The following MTOR variants were observed in gnomAD, a reference collection of about 807,000 sequenced individuals.
MTOR encodes serine/threonine-protein kinase mTOR.
A neutral mutation model predicts 319.8 loss-of-function variants in MTOR; 70 were observed. That is an observed-to-expected ratio of 0.22 (90% confidence interval 0.18 to 0.27). The LOEUF (loss-of-function observed/expected upper bound fraction) is 0.27. MTOR is among the 10% of genes least tolerant of loss of function. The pLI is 1.00. For synonymous variants in MTOR, 1,183 were observed against 1,211.4 expected, an observed-to-expected ratio of 0.98 and a Z score of 0.49; for missense variants, 1,890 against 3,274.4, an observed-to-expected ratio of 0.58 and a Z score of 10.32.
At chr1:11,214,477 C>T (rs1227197280) in intron 20 of MTOR, among the ~76,000 whole-genome samples, 1 of 152,182 alleles carries the variant, frequency 6.6e-6, no homozygotes, top group Non-Finnish European at 1.5e-5. Context: ...TTTAAAAGTT[C>T]TGGAGTAGGA....
intron 28 of MTOR, among the ~76,000 whole-genome samples, chr1:11,192,601 C>CA (rs1437792110): frequency 6.6e-6 from 1 of 151,800 alleles, no homozygotes; most frequent in East Asian, 1.9e-4. Context: ...ACTAAAAATA[C>CA]AAAAAAATTA....
Position 11,247,948 on chromosome 1 carries a change from G to A in MTOR, c.987C>T (p.Ala329=), listed in dbSNP as rs765700383. Residue 329 remains alanine, a synonymous_variant, in exon 7 of 58, where the codon GCC becomes GCT. Transcript: ENST00000361445. Reference sequence around the variant, plus strand: ...AGCTGTACCCCAGCAGCCCCACCAAGGCATTTGACTGCTGGGGCTGTACAG... The same window carrying A: ...AGCTGTACCCCAGCAGCCCCACCAAAGCATTTGACTGCTGGGGCTGTACAG... The part of the protein sequence containing the change: ...FQAVQPQQSN[A]LVGLLGYSSH... 1.9e-6 allele frequency: 3 copies of A among 1,614,224 alleles called. No homozygotes were observed. The South Asian group carries it at 3.3e-5, about 18-fold the overall frequency.
chr1:11,119,023 C>T (rs1642350734), intron 49 of MTOR, among the ~76,000 whole-genome samples: 2 of 152,020 alleles, frequency 1.3e-5, no homozygotes, highest in Admixed American at 1.3e-4. Flanking sequence ...CAGGTGTGTA[C>T]CATAGTGTCT....
Position 11,122,088 on chromosome 1 carries a change from G to A in MTOR, c.6701C>T (p.Ser2234Leu), listed in dbSNP as rs1238905384. The A allele has an allele frequency of 6.2e-7, 1 of 1,614,246 alleles. No individual in the cohort carries two copies. The highest frequency in any genetic ancestry group is 8.5e-7 in the Non-Finnish European group (1 of 1,180,046). ...GTGGGGAACCCAGCCAATGAGGCCCGAGTTGGTCGATAAAGGGATGACAGC... is the reference window on the plus strand; with the variant it reads ...GTGGGGAACCCAGCCAATGAGGCCCAAGTTGGTCGATAAAGGGATGACAGC... Reference protein sequence around the residue: ...RYAVIPLSTNSGLIGWVPHCD... With the variant: ...RYAVIPLSTNLGLIGWVPHCD... The change falls in exon 48 of 58, where the codon TCG (serine) becomes TTG (leucine). Residue 2234 changes from serine to leucine, a missense_variant. Transcript: ENST00000361445.
Position 11,250,838 on chromosome 1 carries a change from ATCC to A in MTOR, c.841-2747_841-2745del, listed in dbSNP as rs370101274. Among the ~76,000 whole-genome samples the A allele has an allele frequency of 4.2e-3, 639 of 152,238 alleles. 6 individuals carry two copies. Among genetic ancestry groups the A allele is most frequent in the African/African-American group, 0.014 (602 of 41,552 alleles). On this transcript the variant is annotated intron_variant, in intron 6 of 57. Transcript: ENST00000361445. ...TCCCACTGCAGTGAATGGCAACTTC[ATCC>A]TCCTAATACTCAGGCCAAACACCTT... is the stretch of plus-strand genomic sequence containing the variant.
At chr1:11,158,437 C>T (rs1009355837) in intron 29 of MTOR, among the ~76,000 whole-genome samples, 3 of 152,150 alleles carry the variant, frequency 2.0e-5, no homozygotes, top group African/African-American at 7.2e-5. Flanking sequence ...CTTGTACCTA[C>T]TTTCCCTGGT....
chr1:11,209,036 G>A (rs1442590599), intron 25 of MTOR, among the ~76,000 whole-genome samples: 1 of 152,168 alleles, frequency 6.6e-6, no homozygotes, highest in East Asian at 1.9e-4. Flanking sequence ...TTCCCTTCAT[G>A]TAAAAAATGA....
chr1:11,234,813 G>A (rs1388751350), intron 13 of MTOR, among the ~76,000 whole-genome samples: 1 of 151,902 alleles, frequency 6.6e-6, no homozygotes, highest in African/African-American at 2.4e-5. Flanking sequence ...AGGATCCCCC[G>A]AAGCCTTACT....
chr1:11,134,559 C>T, intron 36 of MTOR, 93 bp from the exon 37 acceptor site: 2 of 1,026,954 alleles, frequency 1.9e-6, no homozygotes, highest in Admixed American at 3.6e-5. Context: ...ATGAGTCAAC[C>T]CCTCTCCAAA....
intron 28 of MTOR, among the ~76,000 whole-genome samples, chr1:11,198,124 A>G (rs1645846889): frequency 6.6e-6 from 1 of 152,216 alleles, no homozygotes; most frequent in Admixed American, 6.5e-5. Flanking sequence ...AAGTGATCAT[A>G]CTTAGTTACC....
At chr1:11,156,931 G>C (rs911856137) in intron 30 of MTOR, among the ~76,000 whole-genome samples, 1 of 152,154 alleles carries the variant, frequency 6.6e-6, no homozygotes, top group Non-Finnish European at 1.5e-5. Flanking sequence ...TCCTGTCCTA[G>C]AGCATTATAA....
intron 9 of MTOR, among the ~76,000 whole-genome samples, chr1:11,241,898 T>TTAAGGAAGGGGC: frequency 6.6e-6 from 1 of 152,266 alleles, no homozygotes; most frequent in African/African-American, 2.4e-5. Context: ...CAGTAAAGTG[T>TTAAGGAAGGGGC]CTTAAGGAAG....
chr1:11,191,798 T>C (rs982948840), intron 28 of MTOR, among the ~76,000 whole-genome samples: 1 of 152,190 alleles, frequency 6.6e-6, no homozygotes, highest in Non-Finnish European at 1.5e-5. Context: ...CAGGTGGCAG[T>C]AGCCACCATC....
At chr1:11,176,537 GT>G (rs1170654234) in intron 28 of MTOR, among the ~76,000 whole-genome samples, 1 of 152,200 alleles carries the variant, frequency 6.6e-6, no homozygotes, top group Non-Finnish European at 1.5e-5. Context: ...GCAGACCACA[GT>G]CTGAGTTTCA....
intron 56 of MTOR, 106 bp from the exon 57 acceptor site, chr1:11,108,392 G>A: frequency 1.1e-6 from 1 of 875,230 alleles, no homozygotes; most frequent in Non-Finnish European, 1.9e-6. Context: ...CGTCAGACAT[G>A]AAGATGAAGG....
At chr1:11,252,046 T>A (rs1649765808) in intron 6 of MTOR, among the ~76,000 whole-genome samples, 1 of 152,178 alleles carries the variant, frequency 6.6e-6, no homozygotes, top group South Asian at 2.1e-4. Flanking sequence ...CCCCTTAGTA[T>A]CCATGGGGGT....
At chr1:11,174,888 C>T (rs1331441311) in intron 28 of MTOR, among the ~76,000 whole-genome samples, 3 of 152,166 alleles carry the variant, frequency 2.0e-5, no homozygotes, top group African/African-American at 7.2e-5. Context: ...GTACGTAACA[C>T]CACAAACCAG....
In MTOR at chr1:11,127,633, G is replaced by C. The variant is rs1642909117; in HGVS notation, c.6207C>G (p.Ser2069=). ...ERGPQTLKET[S]FNQAYGRDLM... is the part of the protein sequence containing the mutation. ...GTTTTTTACCCCATACCTGATTAAA[G>C]GATGTTTCCTTCAGAGTCTGGGGGC... The change falls in exon 44 of 58, where the codon TCC becomes TCG. Residue 2069 remains serine, a synonymous_variant. Coordinates refer to ENST00000361445, the MANE Select transcript of MTOR (RefSeq NM_004958.4). This position sits in a 1 kb window ranked among gnomAD's most constrained non-coding sequence, Gnocchi z 5.5. The C allele has an allele frequency of 6.2e-7, 1 of 1,612,676 alleles. No homozygotes were observed. The highest frequency in any genetic ancestry group is 8.5e-7 in the Non-Finnish European group (1 of 1,179,430).
At chr1:11,151,516 A>G (rs996433597) in intron 30 of MTOR, among the ~76,000 whole-genome samples, 1 of 152,044 alleles carries the variant, frequency 6.6e-6, no homozygotes, top group Admixed American at 6.6e-5. Context: ...TAAGTGCATC[A>G]GAATCCCCTG....
Sources: gnomAD v4.1 joint callset for allele counts (sites outside exome capture counted in the v4.1 genomes callset) on GRCh38, gnomAD v4.1.1 for gene constraint, Gnocchi (gnomAD v3.1) non-coding constraint, MANE v1.5 for transcripts, NCBI Gene and HGNC (gene_info 2026-07-23, HGNC 2026-07-21) for gene names.